Variants in ZMIZ1 observed in about 807,000 individuals in gnomAD.
ZMIZ1 encodes zinc finger MIZ-type containing 1.
A neutral mutation model predicts 113.9 loss-of-function variants in ZMIZ1; 17 were observed. That is an observed-to-expected ratio of 0.15 (90% CI 0.10 to 0.22). The LOEUF (loss-of-function observed/expected upper bound fraction) is 0.22. Ranked by LOEUF, ZMIZ1 falls within the 10% of genes least tolerant of loss-of-function variation. The probability of loss-of-function intolerance (pLI) is 1.00; values close to 1 mark genes in which losing one functional copy is unlikely to be tolerated. For synonymous variants in ZMIZ1, 607 were observed against 603.1 expected (o/e 1.01, Z -0.09); for missense variants, 1,059 against 1,477.8 (o/e 0.72, Z 4.65).
chr10:79,299,342 C>G, intron 16 of ZMIZ1, 151 bp downstream of exon 16: 10 of 1,221,840 alleles, frequency 8.2e-6, no homozygotes, highest in Non-Finnish European at 1.1e-5. Flanking sequence ...CCCTGTCCTG[C>G]GGTTGTCATG....
intron 1 of ZMIZ1, among the ~76,000 whole-genome samples, chr10:79,072,851 G>A (rs988332622): frequency 5.3e-5 from 8 of 152,244 alleles, no homozygotes; most frequent in Non-Finnish European, 1.2e-4. Flanking sequence ...CTTGCCTGGC[G>A]ACAGCTCTGA....
rs75016580 is a variant in ZMIZ1, at chr10:79,089,713, C to T, written c.-337+20443C>T. On this transcript the variant is annotated intron_variant, in intron 1 of 24. Coordinates refer to ENST00000334512, the MANE Select transcript of ZMIZ1 (RefSeq NM_020338.4). Reference sequence around the variant, plus strand: ...TGAGCATGAGCAAGACCCTATTGGCCGCACCTGGGACAGCCTTCCTGGGCA... The same window carrying T: ...TGAGCATGAGCAAGACCCTATTGGCTGCACCTGGGACAGCCTTCCTGGGCA... 9.3e-3 allele frequency among the ~76,000 whole-genome samples: 1,412 copies of T among 152,202 alleles called. 10 individuals are homozygous for T. Among genetic ancestry groups the T allele is most frequent in the Non-Finnish European group, 0.014 (932 of 68,010 alleles).
In ZMIZ1 at chr10:79,145,805, C is replaced by G. The variant is rs183508433; in HGVS notation, c.-131+6028C>G. 2.0e-5 allele frequency among the ~76,000 whole-genome samples: 3 copies of G among 152,318 alleles called. No homozygotes were observed. The East Asian group carries it at 5.8e-4, about 29-fold the overall frequency. On this transcript the variant is annotated intron_variant, in intron 3 of 24. Coordinates refer to ENST00000334512, the MANE Select transcript of ZMIZ1 (RefSeq NM_020338.4). ...CACTGCAGCCTTGACCTCCCAGGCT[C>G]AACTGACCCTCCCACCTCAGCCTTC...
chr10:79,164,755 G>T (rs1251272126), intron 4 of ZMIZ1, among the ~76,000 whole-genome samples: 1 of 152,240 alleles, frequency 6.6e-6, no homozygotes, highest in East Asian at 1.9e-4. Context: ...TAAACTGTGT[G>T]CAAGCTGGGG....
At chr10:79,183,082 A>G (rs1451426733) in intron 4 of ZMIZ1, among the ~76,000 whole-genome samples, 3 of 152,168 alleles carry the variant, frequency 2.0e-5, no homozygotes, top group South Asian at 4.1e-4. Context: ...TTGGCACCCA[A>G]TCCCAGGAGT....
At chr10:79,204,899 G>T (rs1019430325) in intron 5 of ZMIZ1, among the ~76,000 whole-genome samples, 1 of 152,168 alleles carries the variant, frequency 6.6e-6, no homozygotes, top group African/African-American at 2.4e-5. Context: ...GGATGGATGA[G>T]TGGTGGATAA....
At chr10:79,222,992 G>A (rs1849042210) in intron 7 of ZMIZ1, among the ~76,000 whole-genome samples, 1 of 152,190 alleles carries the variant, frequency 6.6e-6, no homozygotes, top group African/African-American at 2.4e-5. Context: ...TGGCTGAATG[G>A]TGGACTCTCA....
At chr10:79,086,685 T>C (rs11596288) in intron 1 of ZMIZ1, among the ~76,000 whole-genome samples, 1 of 151,962 alleles carries the variant, frequency 6.6e-6, no homozygotes, top group Non-Finnish European at 1.5e-5. Context: ...TTGAAAAAAA[T>C]TTTTTTTGTA....
chr10:79,163,823 T>C (rs926815289), intron 4 of ZMIZ1, among the ~76,000 whole-genome samples: 2 of 152,068 alleles, frequency 1.3e-5, no homozygotes, highest in Admixed American at 6.6e-5. Flanking sequence ...GTGGCCTGCC[T>C]CTCCCGATGG....
At chr10:79,105,523 T>C (rs577265883) in intron 1 of ZMIZ1, among the ~76,000 whole-genome samples, 2 of 152,216 alleles carry the variant, frequency 1.3e-5, no homozygotes, top group South Asian at 4.1e-4. Flanking sequence ...TAATCAGGAC[T>C]GAGAAAACCC....
chr10:79,195,544 G>A (rs1357937159), intron 4 of ZMIZ1, among the ~76,000 whole-genome samples: 1 of 152,194 alleles, frequency 6.6e-6, no homozygotes, highest in Non-Finnish European at 1.5e-5. Flanking sequence ...GACTTGTAAA[G>A]GCTTAAAGGA....
At chr10:79,176,479 G>C (rs1669595696) in intron 4 of ZMIZ1, among the ~76,000 whole-genome samples, 2 of 152,082 alleles carry the variant, frequency 1.3e-5, no homozygotes, top group South Asian at 4.2e-4. Context: ...CATACTGCTG[G>C]AATCCTGAGG....
chr10:79,172,733 CAAAAG>C (rs1333900948), intron 4 of ZMIZ1, among the ~76,000 whole-genome samples: 2 of 152,194 alleles, frequency 1.3e-5, no homozygotes, highest in African/African-American at 4.8e-5. Flanking sequence ...TCTTTTGACA[CAAAAG>C]AGGAGGAGGA....
At chr10:79,154,325 C>A (rs1845819683) in intron 3 of ZMIZ1, among the ~76,000 whole-genome samples, 1 of 152,122 alleles carries the variant, frequency 6.6e-6, no homozygotes, top group Non-Finnish European at 1.5e-5. Flanking sequence ...CTCTGCCAGG[C>A]CCATTTAATG....
At chr10:79,214,012 C>T (rs1038089327) in intron 6 of ZMIZ1, among the ~76,000 whole-genome samples, 3 of 152,164 alleles carry the variant, frequency 2.0e-5, no homozygotes, top group African/African-American at 4.8e-5. Flanking sequence ...CGAAACAGGC[C>T]GCTCTGTGCT....
At chr10:79,128,531 G>C (rs1293257222) in intron 2 of ZMIZ1, among the ~76,000 whole-genome samples, 1 of 152,226 alleles carries the variant, frequency 6.6e-6, no homozygotes, top group Non-Finnish European at 1.5e-5. Context: ...GCCTGATCAA[G>C]AGTGGAGCCC....
At chr10:79,233,295 C>T (rs191250393) in intron 7 of ZMIZ1, among the ~76,000 whole-genome samples, 13 of 152,344 alleles carry the variant, frequency 8.5e-5, no homozygotes, top group African/African-American at 2.6e-4. Context: ...TCTGTTCAGG[C>T]TGTTATAGCA....
intron 7 of ZMIZ1, among the ~76,000 whole-genome samples, chr10:79,218,616 TGTC>T: frequency 6.6e-6 from 1 of 151,710 alleles, no homozygotes; most frequent in African/African-American, 2.4e-5. Flanking sequence ...TCTGTCTGTC[TGTC>T]TGTGTAAGCT....
intron 16 of ZMIZ1, among the ~76,000 whole-genome samples, chr10:79,300,248 G>A (rs4246943): frequency 0.17 from 25,154 of 152,190 alleles, 3,137 homozygotes; most frequent in African/African-American, 0.34. Context: ...CACATATATG[G>A]TCACTGCTGG....
Sources: gnomAD v4.1 joint callset for allele counts (sites outside exome capture counted in the v4.1 genomes callset) on GRCh38, gnomAD v4.1.1 for gene constraint, MANE v1.5 for transcripts, NCBI Gene and HGNC (gene_info 2026-07-23, HGNC 2026-07-21) for gene names.